ANKRD28: variants seen among roughly 807,000 people sequenced by gnomAD.
ANKRD28 encodes ankyrin repeat domain 28, also known as serine/threonine-protein phosphatase 6 regulatory ankyrin repeat subunit A.
ANKRD28 carries 44 observed loss-of-function variants against 126.5 expected under a neutral mutation model. The ratio of observed to expected loss-of-function variants is 0.35; its 90% CI spans 0.27 to 0.45. The LOEUF (loss-of-function observed/expected upper bound fraction) is 0.45. Among genes scored for constraint, ANKRD28 ranks in the 20% least tolerant of loss-of-function variants. The probability of loss-of-function intolerance (pLI) is 1.00; values close to 1 mark genes in which losing one functional copy is unlikely to be tolerated. For synonymous variants in ANKRD28, 442 were observed against 468.5 expected (o/e 0.94, Z 0.73); for missense variants, 1,110 against 1,316.6 (o/e 0.84, Z 2.43).
chr3:15,719,716 A>G, intron 8 of ANKRD28, among the ~76,000 whole-genome samples: 1 of 151,694 alleles, frequency 6.6e-6, no homozygotes, highest in East Asian at 1.9e-4. Flanking sequence ...CTACAGGATA[A>G]TTTTTAATTT....
chr3:15,728,022 G>A lies in ANKRD28; in HGVS notation c.641-3498C>T, dbSNP rs986705511. Among the ~76,000 whole-genome samples the A allele has an allele frequency of 5.3e-5, 8 of 152,166 alleles. No homozygotes were observed. In the East Asian group the frequency reaches 5.8e-4, roughly 11 times the overall value. ...TCTTTTGTGAAGGGAAGAGTCCATC[G>A]ATGCAGCACATCTTTGTCTCATTTC... On this transcript the variant is annotated intron_variant, in intron 6 of 27. Transcript: ENST00000683139.
chr3:15,714,092 G>GAA (rs552216179), intron 9 of ANKRD28, among the ~76,000 whole-genome samples: 193 of 152,184 alleles, frequency 1.3e-3, no homozygotes, highest in African/African-American at 4.1e-3. Context: ...ATATGCCTTG[G>GAA]AAAACACTGA....
chr3:15,818,142 A>G (rs1467078918), intron 1 of ANKRD28, among the ~76,000 whole-genome samples: 1 of 152,196 alleles, frequency 6.6e-6, no homozygotes, highest in Non-Finnish European at 1.5e-5. Context: ...CTCCCCCGTT[A>G]TCCACAGAGG....
At chr3:15,709,983 T>C (rs2072007964) in intron 12 of ANKRD28, among the ~76,000 whole-genome samples, 2 of 151,896 alleles carry the variant, frequency 1.3e-5, no homozygotes, top group African/African-American at 4.8e-5. Flanking sequence ...AAAAGGAAGA[T>C]CACATTTGCA....
chr3:15,705,176 T>C (rs1259422422), intron 14 of ANKRD28, among the ~76,000 whole-genome samples: 1 of 152,124 alleles, frequency 6.6e-6, no homozygotes, highest in Non-Finnish European at 1.5e-5. Context: ...ATAATAAAAG[T>C]CATTGCTTAC....
At chr3:15,783,186 G>A (rs758333692) in intron 2 of ANKRD28, among the ~76,000 whole-genome samples, 2 of 151,474 alleles carry the variant, frequency 1.3e-5, no homozygotes, top group African/African-American at 2.4e-5. Flanking sequence ...ATATAAATAA[G>A]AACTCTGAAA....
intron 27 of ANKRD28, among the ~76,000 whole-genome samples, chr3:15,671,323 G>A (rs889763460): frequency 2.0e-5 from 3 of 152,128 alleles, no homozygotes; most frequent in Non-Finnish European, 4.4e-5. Context: ...TCTTGAGGAC[G>A]GAGCGGGAGA....
At chr3:15,776,783 G>C (rs1288528522) in intron 2 of ANKRD28, among the ~76,000 whole-genome samples, 1 of 152,104 alleles carries the variant, frequency 6.6e-6, no homozygotes, top group African/African-American at 2.4e-5. Flanking sequence ...AAAGTTAAAA[G>C]GAGGAGGAAA....
chr3:15,676,872 A>G, intron 26 of ANKRD28, 102 bp downstream of exon 26: 1 of 882,424 alleles, frequency 1.1e-6, no homozygotes, highest in Non-Finnish European at 1.7e-6. Context: ...TGCTTCTATG[A>G]CTAATGAAAC....
rs1028741335 is a variant in ANKRD28 at position 15,815,241 on chromosome 3, C to A, written c.28-19935G>T. Among the ~76,000 whole-genome samples, 1 of 152,028 alleles carries A rather than the reference C, an allele frequency of 6.6e-6. No individual in the cohort carries two copies. The highest frequency in any genetic ancestry group is 2.4e-5 in the African/African-American group (1 of 41,402). ...ATTATGGAGCCATAATTCTCAAGTG[C>A]AATGACCTAGAAAGAACAAATGTCA... On this transcript the variant is annotated intron_variant, in intron 1 of 27. Transcript: ENST00000399451. This position sits in a 1 kb window ranked among gnomAD's most constrained non-coding sequence, Gnocchi z 4.1.
chr3:15,743,486 A>G (rs932550119), intron 4 of ANKRD28, among the ~76,000 whole-genome samples: 2 of 151,562 alleles, frequency 1.3e-5, no homozygotes, highest in African/African-American at 4.8e-5. Context: ...CTAAAATGTA[A>G]TTCCTGATTA....
chr3:15,694,911 G>A (rs1266515496), intron 16 of ANKRD28, 98 bp from the exon 17 acceptor site: 3 of 1,120,862 alleles, frequency 2.7e-6, no homozygotes, highest in Non-Finnish European at 4.0e-6. Flanking sequence ...GTATTATTTG[G>A]CAACTCAGCA....
chr3:15,835,778 C>T (rs1253452741), intron 1 of ANKRD28, among the ~76,000 whole-genome samples: 2 of 152,104 alleles, frequency 1.3e-5, no homozygotes, highest in African/African-American at 4.8e-5. Context: ...AACTGGCTAA[C>T]TCTAAAATGT....
intron 17 of ANKRD28, among the ~76,000 whole-genome samples, chr3:15,692,719 T>C (rs1245892734): frequency 1.3e-5 from 2 of 152,194 alleles, no homozygotes; most frequent in Non-Finnish European, 2.9e-5. Context: ...TAGAGATAGA[T>C]ATGAAATGCA....
chr3:15,832,263 A>T (rs2125937976), intron 1 of ANKRD28, among the ~76,000 whole-genome samples: 1 of 152,328 alleles, frequency 6.6e-6, no homozygotes, highest in East Asian at 1.9e-4. Flanking sequence ...TTCAAAGTTA[A>T]ATGTGGTAAG....
At position 15,670,503 on chromosome 3, in the gene ANKRD28, C is replaced by T. The variant is rs369389957; in HGVS notation, c.3019G>A (p.Ala1007Thr). ...APNKDVADCL[A>T]LILATMMPVS... is the part of the protein sequence containing the mutation. ...GGCATCATGGTGGCCAAAATGAGAG[C>T]CAGGCAATCAGCCACATCCTTATTG... Residue 1007 changes from alanine (A) to threonine (T), a missense_variant, in exon 28 of 28, where the codon GCT (alanine) becomes ACT (threonine). Ala to Thr is a moderately conservative substitution (Grantham distance 58). Transcript: ENST00000683139. 2 of 1,613,874 alleles carry T rather than the reference C, an allele frequency of 1.2e-6. No individual in the cohort carries two copies. The highest frequency in any genetic ancestry group is 1.7e-6 in the Non-Finnish European group (2 of 1,179,856).
At chr3:15,704,544 G>A (rs556440082) in intron 14 of ANKRD28, among the ~76,000 whole-genome samples, 2 of 152,200 alleles carry the variant, frequency 1.3e-5, no homozygotes, top group Admixed American at 1.3e-4. Flanking sequence ...GTACATTACT[G>A]AATAATAGCA....
At position 15,817,496 on chromosome 3, in the gene ANKRD28, A is replaced by T. The variant is rs188071652; in HGVS notation, c.28-22190T>A. 2.0e-4 allele frequency among the ~76,000 whole-genome samples: 30 copies of T among 152,264 alleles called. No individual in the cohort carries two copies. In the East Asian group the frequency reaches 5.0e-3, roughly 25 times the overall value. ...AAGCAGTGCAATAAGTGCTCTCCTAAAAGTTTGTTGTGTGTATCTGTGACA... is the reference window on the plus strand; with the variant it reads ...AAGCAGTGCAATAAGTGCTCTCCTATAAGTTTGTTGTGTGTATCTGTGACA... On this transcript the variant is annotated intron_variant, in intron 1 of 27. Coordinates refer to the ANKRD28 transcript ENST00000399451. The surrounding 1 kb of genome is among the most constrained non-coding windows in gnomAD (Gnocchi z 4.5).
intron 14 of ANKRD28, among the ~76,000 whole-genome samples, chr3:15,699,064 C>T (rs1406787770): frequency 6.6e-6 from 1 of 152,150 alleles, no homozygotes; most frequent in East Asian, 1.9e-4. Flanking sequence ...TGGAACAGAA[C>T]AGAGGCCTCA....
Sources: allele counts gnomAD v4.1 joint callset (sites outside exome capture counted in the v4.1 genomes callset), GRCh38; gene constraint gnomAD v4.1.1; non-coding constraint Gnocchi (gnomAD v3.1); transcripts MANE v1.5; gene names NCBI Gene and HGNC (gene_info 2026-07-23, HGNC 2026-07-21).